The following DRG1 variants were observed in gnomAD, a reference collection of about 807,000 sequenced individuals.
DRG1 encodes the protein developmentally regulated GTP binding protein 1.
In DRG1, 19 loss-of-function variants were observed where a neutral mutation model predicts 38.8. That is an observed-to-expected ratio of 0.49 (90% confidence interval 0.34 to 0.72). The LOEUF is 0.72. Ranked by LOEUF, DRG1 falls within the 30% of genes least tolerant of loss-of-function variation. The probability of loss-of-function intolerance (pLI) is 0.01; values close to 1 mark genes in which losing one functional copy is unlikely to be tolerated. For synonymous variants in DRG1, 167 were observed against 157.5 expected (o/e 1.06, Z -0.45); for missense variants, 299 against 444.8 (o/e 0.67, Z 2.95).
intron 5 of DRG1, among the ~76,000 whole-genome samples, chr22:31,422,901 C>T (rs1475046074): frequency 6.6e-6 from 1 of 152,140 alleles, no homozygotes; most frequent in Non-Finnish European, 1.5e-5. Context: ...ATGGTGTTTG[C>T]TCTGTGTGTC....
intron 8 of DRG1, among the ~76,000 whole-genome samples, chr22:31,433,071 T>C (rs1379797321): frequency 6.6e-6 from 1 of 152,052 alleles, no homozygotes; most frequent in African/African-American, 2.4e-5. Flanking sequence ...CGGGAGGACA[T>C]ATCAATTACA....
chr22:31,413,707 G>T (rs987212169), intron 4 of DRG1, among the ~76,000 whole-genome samples: 5 of 135,004 alleles, frequency 3.7e-5, no homozygotes, highest in Non-Finnish European at 7.7e-5. Flanking sequence ...TCTGCCTCCC[G>T]GTTTCAAGTC....
At chr22:31,421,587 G>T (rs534042340) in intron 5 of DRG1, among the ~76,000 whole-genome samples, 24 of 151,986 alleles carry the variant, frequency 1.6e-4, no homozygotes, top group Non-Finnish European at 3.1e-4. Context: ...GGGTAGGCTG[G>T]GCATGGTGGC....
chr22:31,403,903 C>T (rs1279038819), intron 3 of DRG1, among the ~76,000 whole-genome samples: 1 of 150,768 alleles, frequency 6.6e-6, no homozygotes, highest in Non-Finnish European at 1.5e-5. Context: ...GTGGACATAT[C>T]TGGACCATGG....
Position 31,433,980 on chromosome 22 carries a change from C to T in DRG1, c.*9C>T. The T allele has an allele frequency of 6.2e-7, 1 of 1,612,358 alleles. No individual in the cohort carries two copies. The highest frequency in any genetic ancestry group is 8.5e-7 in the Non-Finnish European group (1 of 1,178,558). On this transcript the variant is annotated 3_prime_UTR_variant, in exon 9 of 9. Coordinates refer to ENST00000331457, the MANE Select transcript of DRG1 (RefSeq NM_004147.4). ...AAATTGTGAAGAAGTGAAACCTTTCCCTTTTCCCATCTGCCGGACGAACCA... is the reference window on the plus strand; with the variant it reads ...AAATTGTGAAGAAGTGAAACCTTTCTCTTTTCCCATCTGCCGGACGAACCA...
chr22:31,422,750 T>C (rs1367294889), intron 5 of DRG1, among the ~76,000 whole-genome samples: 1 of 152,224 alleles, frequency 6.6e-6, no homozygotes, highest in Non-Finnish European at 1.5e-5. Context: ...AGTGCTGCCA[T>C]AATACGGTAC....
intron 2 of DRG1, among the ~76,000 whole-genome samples, chr22:31,401,767 A>C (rs867256964): frequency 3.1e-4 from 47 of 151,868 alleles, no homozygotes; most frequent in African/African-American, 1.0e-3. Flanking sequence ...AGAAAACCAA[A>C]GTAGGGCCAG....
intron 2 of DRG1, among the ~76,000 whole-genome samples, chr22:31,401,807 A>G (rs1444556594): frequency 1.3e-5 from 2 of 152,040 alleles, no homozygotes; most frequent in Non-Finnish European, 2.9e-5. Context: ...TAATCCCAGC[A>G]CTTCGGGAGG....
At chr22:31,404,235 T>TATCCTTA (rs2145858233) in intron 3 of DRG1, among the ~76,000 whole-genome samples, 1 of 151,362 alleles carries the variant, frequency 6.6e-6, no homozygotes, top group South Asian at 2.1e-4. Flanking sequence ...TACTAGTGGG[T>TATCCTTA]ATCCTTAATC....
intron 2 of DRG1, among the ~76,000 whole-genome samples, chr22:31,401,714 C>A (rs1160145455): frequency 1.3e-5 from 2 of 151,892 alleles, no homozygotes; most frequent in Admixed American, 6.6e-5. Flanking sequence ...TGTGATGGCA[C>A]CACTGCACTC....
intron 4 of DRG1, among the ~76,000 whole-genome samples, chr22:31,419,162 A>G (rs2050061470): frequency 6.6e-6 from 1 of 152,008 alleles, no homozygotes; most frequent in Admixed American, 6.6e-5. Context: ...AAAAGGCCAG[A>G]TACTGTGACT....
chr22:31,420,286 T>C lies in DRG1; in HGVS notation c.443T>C (p.Val148Ala). 6.2e-7 allele frequency: 1 copy of C among 1,614,192 alleles called. No homozygotes were observed. Among genetic ancestry groups the C allele is most frequent in the Non-Finnish European group, 8.5e-7 (1 of 1,180,028 alleles). The part of the protein sequence containing the change: ...VARTCNLILI[V>A]LDVLKPLGHK... ...CGAACCTGTAACTTGATCTTGATTG[T>C]TCTGGATGTCCTGAAACCTTTGGGA... The change falls in exon 5 of 9, where the codon GTT becomes GCT. Residue 148 changes from valine (V) to alanine (A), a missense_variant. This residue lies in a region of DRG1 where 198 missense variants were observed against 268.1 expected (regional missense o/e 0.74). Coordinates refer to ENST00000331457, the MANE Select transcript of DRG1 (RefSeq NM_004147.4).
rs748033226 is a variant in DRG1 at position 31,399,743 on chromosome 22, C to G, written c.42+18C>G. On this transcript the variant is annotated intron_variant, in intron 1 of 8. Coordinates refer to ENST00000331457, the MANE Select transcript of DRG1 (RefSeq NM_004147.4). ...AAGCAGAGGTAATGGACGCAGCTGG[C>G]GGTTCACTCTTAGTCTGAGCATTCC... is the stretch of plus-strand genomic sequence containing the variant. 1 of 1,613,928 alleles carries G rather than the reference C, an allele frequency of 6.2e-7. No homozygotes were observed. The highest frequency in any genetic ancestry group is 8.5e-7 in the Non-Finnish European group (1 of 1,179,838).
At position 31,433,990 on chromosome 22, in the gene DRG1, T is replaced by C; in HGVS notation, c.*19T>C. The C allele has an allele frequency of 6.2e-7, 1 of 1,610,040 alleles. No individual in the cohort carries two copies. Among genetic ancestry groups the C allele is most frequent in the Non-Finnish European group, 8.5e-7 (1 of 1,176,786 alleles). On this transcript the variant is annotated 3_prime_UTR_variant, in exon 9 of 9. Coordinates refer to ENST00000331457, the MANE Select transcript of DRG1 (RefSeq NM_004147.4). ...GAAGTGAAACCTTTCCCTTTTCCCA[T>C]CTGCCGGACGAACCACAACAGCGTT... is the stretch of plus-strand genomic sequence containing the variant.
chr22:31,400,597 TG>T (rs1306867079), intron 1 of DRG1, 22 bp from the exon 2 acceptor site: 1 of 1,607,988 alleles, frequency 6.2e-7, no homozygotes, highest in Non-Finnish European at 8.5e-7. Context: ...TTCTAATTTA[TG>T]GCTGTGATTC....
At position 31,420,226 on chromosome 22, in the gene DRG1, T is replaced by C. The variant is rs375337814; in HGVS notation, c.413-30T>C. The stretch of plus-strand genomic sequence containing the variant: ...GGTTAGTTAAGGCTTTATTGAACTT[T>C]CTTGCGTATGTTTTTTTCTTACTCT... On this transcript the variant is annotated intron_variant, in intron 4 of 8. Transcript: ENST00000331457. 8.7e-6 allele frequency: 14 copies of C among 1,605,724 alleles called. No individual in the cohort carries two copies. The African/African-American group carries it at 1.2e-4, about 14-fold the overall frequency.
Position 31,423,415 on chromosome 22 carries a change from T to A in DRG1, c.713+5T>A, listed in dbSNP as rs1430490778. The A allele has an allele frequency of 6.2e-7, 1 of 1,614,078 alleles. No individual in the cohort carries two copies. The highest frequency in any genetic ancestry group is 8.5e-7 in the Non-Finnish European group (1 of 1,179,970). ...TGATGTGGTGGAAGGAAACAGGTAC[T>A]GACTGAGTGTGCAGTCTGTGCCTGA... On this transcript the variant is annotated splice_donor_5th_base_variant and intron_variant, in intron 6 of 8. Transcript: ENST00000331457.
At position 31,426,596 on chromosome 22, in the gene DRG1, T is replaced by A. The variant is rs2050112083; in HGVS notation, c.714-19T>A. On this transcript the variant is annotated intron_variant, in intron 6 of 8. Transcript: ENST00000331457. Reference sequence around the variant, plus strand: ...CAACAACTCCAGACTAATACCCTGTTTTTCTTCACTTTCTGTAGAGTTTAT... The same window carrying A: ...CAACAACTCCAGACTAATACCCTGTATTTCTTCACTTTCTGTAGAGTTTAT... 2 of 1,599,274 alleles carry A rather than the reference T, an allele frequency of 1.3e-6. No homozygotes were observed. Among genetic ancestry groups the A allele is most frequent in the African/African-American group, 2.7e-5 (2 of 74,554 alleles).
intron 3 of DRG1, among the ~76,000 whole-genome samples, chr22:31,405,676 T>G (rs1223493659): frequency 8.8e-5 from 13 of 147,756 alleles, no homozygotes; most frequent in South Asian, 2.2e-4. Flanking sequence ...CATGTGTGTG[T>G]GTGTGGGGGG....
Sources: gnomAD v4.1 joint callset for allele counts (sites outside exome capture counted in the v4.1 genomes callset) on GRCh38, gnomAD v4.1.1 for gene constraint, gnomAD v4.1.1 regional missense constraint, MANE v1.5 for transcripts, NCBI Gene and HGNC (gene_info 2026-07-23, HGNC 2026-07-21) for gene names.